The following TEX19 variants were observed in gnomAD, a reference collection of about 807,000 sequenced individuals.
The protein encoded by TEX19 is testis expressed 19.
For missense variants in TEX19, 184 were observed against 194.4 expected, an observed-to-expected ratio of 0.95 and a Z score of 0.32; for synonymous variants, 77 against 73.9, an observed-to-expected ratio of 1.04 and a Z score of -0.21.
chr17:82,363,405 C>G lies in TEX19; in HGVS notation c.*760C>G, dbSNP rs1324354823. On this transcript the variant is annotated 3_prime_UTR_variant, in exon 2 of 2. Coordinates refer to ENST00000333437, the MANE Select transcript of TEX19 (RefSeq NM_207459.4). ...ATTACAAATATTCATAACCTGGAAACAAGTTCTTACCAGTTGATTGTCACA... is the reference window on the plus strand; with the variant it reads ...ATTACAAATATTCATAACCTGGAAAGAAGTTCTTACCAGTTGATTGTCACA... The G allele has an allele frequency of 6.0e-6, 1 of 166,984 alleles. No homozygotes were observed. The highest frequency in any genetic ancestry group is 2.4e-5 in the African/African-American group (1 of 41,458). 10.3% of individuals were successfully genotyped at this position (166,984 alleles called of 1,614,324 possible). A position where few individuals can be genotyped will look rare whatever the true frequency, so the allele number is the denominator to read the frequency against.
chr17:82,362,630 C>A lies in TEX19; in HGVS notation c.480C>A (p.Ser160Arg). The change falls in exon 2 of 2, where the codon AGC (serine) becomes AGA (arginine). Residue 160 changes from serine (S) to arginine (R), a missense_variant. Coordinates refer to ENST00000333437, the MANE Select transcript of TEX19 (RefSeq NM_207459.4). The surrounding 1 kb of genome is among the most constrained non-coding windows in gnomAD (Gnocchi z 5.5). ...EELLTCSHWP[S>R]FFPS The stretch of plus-strand genomic sequence containing the variant: ...TTCTTACCTGCTCACACTGGCCAAG[C>A]TTCTTTCCTTCATAGCAGGGGTTTC... The A allele has an allele frequency of 6.5e-7, 1 of 1,546,964 alleles. No homozygotes were observed. Among genetic ancestry groups the A allele is most frequent in the Non-Finnish European group, 8.7e-7 (1 of 1,152,978 alleles).
At position 82,362,061 on chromosome 17, in the gene TEX19, C is replaced by T; in HGVS notation, c.-90C>T. 1.3e-6 allele frequency: 2 copies of T among 1,493,386 alleles called. No homozygotes were observed. The highest frequency in any genetic ancestry group is 1.8e-6 in the Non-Finnish European group (2 of 1,118,954). The allele number at this position is 1,493,386 out of a possible 1,614,324, so 92.5% of individuals were successfully genotyped here. On this transcript the variant is annotated 5_prime_UTR_variant, in exon 2 of 2. Transcript: ENST00000333437. This position sits in a 1 kb window ranked among gnomAD's most constrained non-coding sequence, Gnocchi z 5.5. The stretch of plus-strand genomic sequence containing the variant: ...TTCATCCCTGCCGCCCAGCATCCTA[C>T]TGGCCTCAGCACCTGTGGCCAGACC...
rs113549648 is a variant in TEX19, at chr17:82,361,804, G to A, written c.-271-76G>A. On this transcript the variant is annotated intron_variant, in intron 1 of 1. Coordinates refer to ENST00000333437, the MANE Select transcript of TEX19 (RefSeq NM_207459.4). ...GGCCAGTCTGAACCCCAACATCCCT[G>A]CCCCTGCTGGTCCCCACAGTTTGCC... The A allele has an allele frequency of 1.7e-3, 1,904 of 1,096,266 alleles. 23 individuals are homozygous for A. In the African/African-American group the frequency reaches 0.029, roughly 16 times the overall value. 67.9% of individuals were successfully genotyped at this position (1,096,266 alleles called of 1,614,324 possible).
Position 82,362,630 on chromosome 17 carries a change from CTT to C in TEX19, c.481_482del (p.Phe161LeufsTer34). On this transcript the variant is annotated frameshift_variant, in exon 2 of 2. Transcript: ENST00000333437. LOFTEE classifies it high-confidence loss of function. This position sits in a 1 kb window ranked among gnomAD's most constrained non-coding sequence, Gnocchi z 5.5. Reference sequence around the variant, plus strand: ...TTCTTACCTGCTCACACTGGCCAAGCTTCTTTCCTTCATAGCAGGGGTTTCTC... The same window carrying C: ...TTCTTACCTGCTCACACTGGCCAAGCCTTTCCTTCATAGCAGGGGTTTCTC... ...ELLTCSHWPS[F>X]FPS The C allele has an allele frequency of 6.5e-7, 1 of 1,546,964 alleles. No homozygotes were observed. Among genetic ancestry groups the C allele is most frequent in the Non-Finnish European group, 8.7e-7 (1 of 1,152,978 alleles).
At chr17:82,360,034 CCCAG>C (rs2052369979) in intron 1 of TEX19, among the ~76,000 whole-genome samples, 18 of 130,404 alleles carry the variant, frequency 1.4e-4, no homozygotes, top group South Asian at 2.4e-4. Context: ...CTCAGGTTCC[CCCAG>C]TTTCCCCCAG....
At position 82,362,795 on chromosome 17, in the gene TEX19, A is replaced by C; in HGVS notation, c.*150A>C. On this transcript the variant is annotated 3_prime_UTR_variant, in exon 2 of 2. Coordinates refer to ENST00000333437, the MANE Select transcript of TEX19 (RefSeq NM_207459.4). This position sits in a 1 kb window ranked among gnomAD's most constrained non-coding sequence, Gnocchi z 5.5. ...TGGGCTGCTATGATACCATCTACCTACAGAAGATGACCCCAGACAGGGCCC... is the reference window on the plus strand; with the variant it reads ...TGGGCTGCTATGATACCATCTACCTCCAGAAGATGACCCCAGACAGGGCCC... 2 of 970,332 alleles carry C rather than the reference A, an allele frequency of 2.1e-6. No homozygotes were observed. Among genetic ancestry groups the C allele is most frequent in the Non-Finnish European group, 2.9e-6 (2 of 681,962 alleles). 60.1% of individuals were successfully genotyped at this position (970,332 alleles called of 1,614,324 possible). A position where few individuals can be genotyped will look rare whatever the true frequency, so the allele number is the denominator to read the frequency against.
chr17:82,360,985 TCAGTTTTCCC>T (rs1433111184), intron 1 of TEX19, among the ~76,000 whole-genome samples: 1 of 29,136 alleles, frequency 3.4e-5, no homozygotes, highest in Non-Finnish European at 6.9e-5. Context: ...TCAGGTTCCC[TCAGTTTTCCC>T]CAGTTTCCCT....
At position 82,362,538 on chromosome 17, in the gene TEX19, G is replaced by C. The variant is rs116293085; in HGVS notation, c.388G>C (p.Val130Leu). Residue 130 changes from valine (V) to leucine (L), a missense_variant, in exon 2 of 2, where the codon GTG (valine) becomes CTG (leucine). Physicochemically the swap from Val to Leu is conservative, Grantham distance 32. Transcript: ENST00000333437. This position sits in a 1 kb window ranked among gnomAD's most constrained non-coding sequence, Gnocchi z 5.5. The part of the protein sequence containing the change: ...VPTELWPQEA[V>L]PLGLGLEDAD... ...CACTGAACTATGGCCTCAGGAGGCT[G>C]TGCCCCTGGGCCTGGGCCTTGAGGA... The C allele has an allele frequency of 1.9e-6, 3 of 1,612,756 alleles. No individual in the cohort carries two copies. In the South Asian group the frequency reaches 3.3e-5, roughly 18 times the overall value.
intron 1 of TEX19, among the ~76,000 whole-genome samples, chr17:82,361,339 A>G (rs1181524341): frequency 6.2e-5 from 2 of 32,134 alleles, no homozygotes; most frequent in Non-Finnish European, 1.0e-4. Flanking sequence ...GGTTTCCTCA[A>G]GTTGCCTCAG....
rs1401363099 is a variant in TEX19 at position 82,362,318 on chromosome 17, AGAC to A, written c.169_171del (p.Asp57del). On this transcript the variant is annotated inframe_deletion, in exon 2 of 2. Transcript: ENST00000333437. This position sits in a 1 kb window ranked among gnomAD's most constrained non-coding sequence, Gnocchi z 5.5. ...TGCTGGAGTCAGAGGACTGGGAAGA[AGAC>A]AACTGGGACCCTGAGCTGATGGAGC... The A allele has an allele frequency of 6.2e-7, 1 of 1,613,844 alleles. No individual in the cohort carries two copies. Among genetic ancestry groups the A allele is most frequent in the East Asian group, 2.2e-5 (1 of 44,902 alleles).
At position 82,362,340 on chromosome 17, in the gene TEX19, A is replaced by G. The variant is rs1237394406; in HGVS notation, c.190A>G (p.Met64Val). The change falls in exon 2 of 2, where the codon ATG (methionine) becomes GTG (valine). Residue 64 changes from methionine (M) to valine (V), a missense_variant. Coordinates refer to ENST00000333437, the MANE Select transcript of TEX19 (RefSeq NM_207459.4). The surrounding 1 kb of genome is among the most constrained non-coding windows in gnomAD (Gnocchi z 5.5). ...WEEDNWDPEL[M>V]EHTEAESEQE... ...AGAAGACAACTGGGACCCTGAGCTG[A>G]TGGAGCACACTGAGGCAGAGTCAGA... is the stretch of plus-strand genomic sequence containing the variant. The G allele has an allele frequency of 6.2e-7, 1 of 1,613,656 alleles. No homozygotes were observed. Among genetic ancestry groups the G allele is most frequent in the Non-Finnish European group, 8.5e-7 (1 of 1,180,020 alleles).
At position 82,361,893 on chromosome 17, in the gene TEX19, A is replaced by C. The variant is rs2052397788; in HGVS notation, c.-258A>C. ...TTGCCTTTCCAGCTCTCCTGAGACC[A>C]CAGCAACTGCAGAAGCTGAAGACAT... On this transcript the variant is annotated 5_prime_UTR_variant, in exon 2 of 2. Transcript: ENST00000333437. 2 of 733,504 alleles carry C rather than the reference A, an allele frequency of 2.7e-6. No homozygotes were observed. Among genetic ancestry groups the C allele is most frequent in the South Asian group, 5.0e-5 (2 of 40,260 alleles). The allele number at this position is 733,504 out of a possible 1,614,324, so 45.4% of individuals were successfully genotyped here.
intron 1 of TEX19, 193 bp from the exon 2 acceptor site, chr17:82,361,687 G>C (rs992590706): frequency 2.0e-6 from 2 of 985,372 alleles, no homozygotes; most frequent in Admixed American, 6.1e-5. Flanking sequence ...TGAGGTGTAG[G>C]GGGTGGCTGA....
In TEX19 at chr17:82,362,431, G is replaced by C. The variant is rs371566517; in HGVS notation, c.281G>C (p.Gly94Ala). 2 of 1,612,726 alleles carry C rather than the reference G, an allele frequency of 1.2e-6. No individual in the cohort carries two copies. Among genetic ancestry groups the C allele is most frequent in the Non-Finnish European group, 1.7e-6 (2 of 1,179,858 alleles). The change falls in exon 2 of 2, where the codon GGC becomes GCC. Residue 94 changes from glycine (G) to alanine (A), a missense_variant. Physicochemically the swap from Gly to Ala is moderately conservative, Grantham distance 60 (BLOSUM62 0). Transcript: ENST00000333437. This position sits in a 1 kb window ranked among gnomAD's most constrained non-coding sequence, Gnocchi z 5.5. ...GQSPGQPVQG[G>A]SEAWGPGTLA... ...AGCCCAGGACAGCCTGTGCAGGGGGGCTCTGAGGCATGGGGGCCAGGGACC... is the reference window on the plus strand; with the variant it reads ...AGCCCAGGACAGCCTGTGCAGGGGGCCTCTGAGGCATGGGGGCCAGGGACC...
intron 1 of TEX19, among the ~76,000 whole-genome samples, chr17:82,360,019 G>T (rs1399451417): frequency 6.6e-4 from 55 of 83,302 alleles, no homozygotes; most frequent in Admixed American, 8.6e-4. Flanking sequence ...TTTCCCTCAG[G>T]TTCCCTCAGG....
intron 1 of TEX19, chr17:82,361,663 G>A (rs113302683): frequency 0.04 from 39,703 of 984,948 alleles, 828 homozygotes; most frequent in Non-Finnish European, 0.042. Context: ...AAGCTGATGG[G>A]CTGTTGGGGT....
Position 82,363,158 on chromosome 17 carries a change from C to A in TEX19, c.*513C>A, listed in dbSNP as rs946342912. On this transcript the variant is annotated 3_prime_UTR_variant, in exon 2 of 2. Transcript: ENST00000333437. ...AGCCTGGCTGTTGCAGGAGCCTCGG[C>A]CATGGGGGAGCTGCCCTGTTTCCAG... 1 of 167,314 alleles carries A rather than the reference C, an allele frequency of 6.0e-6. No individual in the cohort carries two copies. The highest frequency in any genetic ancestry group is 2.4e-5 in the African/African-American group (1 of 41,454). 10.4% of individuals were successfully genotyped at this position (167,314 alleles called of 1,614,324 possible). A position where few individuals can be genotyped will look rare whatever the true frequency, so the allele number is the denominator to read the frequency against.
At chr17:82,361,147 AGGCTCTGCC>A (rs2052388061) in intron 1 of TEX19, among the ~76,000 whole-genome samples, 1 of 120,298 alleles carries the variant, frequency 8.3e-6, no homozygotes, top group Admixed American at 8.2e-5. Flanking sequence ...AGGTCCCCTC[AGGCTCTGCC>A]AGTTTCCCTC....
chr17:82,362,149 C>A lies in TEX19; in HGVS notation c.-2C>A. On this transcript the variant is annotated 5_prime_UTR_variant, in exon 2 of 2. Coordinates refer to ENST00000333437, the MANE Select transcript of TEX19 (RefSeq NM_207459.4). The surrounding 1 kb of genome is among the most constrained non-coding windows in gnomAD (Gnocchi z 5.5). ...CCCCGGCAGTAGGCAGGCAGCCTGG[C>A]CATGTGCCCTCCGGTCAGCATGCGG... 6.3e-7 allele frequency: 1 copy of A among 1,599,348 alleles called. No individual in the cohort carries two copies. Among genetic ancestry groups the A allele is most frequent in the South Asian group, 1.1e-5 (1 of 88,626 alleles).
Sources: allele counts gnomAD v4.1 joint callset (sites outside exome capture counted in the v4.1 genomes callset), GRCh38; gene constraint gnomAD v4.1.1; non-coding constraint Gnocchi (gnomAD v3.1); transcripts MANE v1.5; gene names NCBI Gene and HGNC (gene_info 2026-07-23, HGNC 2026-07-21).